Variants in INPP4B observed in about 807,000 individuals in gnomAD.
The protein encoded by INPP4B is inositol polyphosphate 4-phosphatase type II.
Under a neutral mutation model 122.5 loss-of-function variants are expected in INPP4B, and 55 were observed. That is an observed-to-expected ratio of 0.45 (90% CI 0.36 to 0.56). The LOEUF is 0.56. INPP4B is among the 20% of genes least tolerant of loss of function. INPP4B has a pLI of 0.00. For synonymous variants in INPP4B, 403 were observed against 388.7 expected, an observed-to-expected ratio of 1.04 and a Z score of -0.43; for missense variants, 1,000 against 1,097.7, an observed-to-expected ratio of 0.91 and a Z score of 1.26.
chr4:142,239,626 T>G (rs1464411545), intron 11 of INPP4B, among the ~76,000 whole-genome samples: 1 of 152,204 alleles, frequency 6.6e-6, no homozygotes, highest in African/African-American at 2.4e-5. Flanking sequence ...ATTTGATTAC[T>G]GCTTCTATTA....
chr4:142,286,169 G>T (rs1753576663), intron 9 of INPP4B, among the ~76,000 whole-genome samples: 2 of 152,288 alleles, frequency 1.3e-5, no homozygotes, highest in East Asian at 1.9e-4. Flanking sequence ...AGATTCTAGA[G>T]ATCAGTGGGA....
chr4:142,706,398 A>G (rs1424317226), intron 2 of INPP4B, among the ~76,000 whole-genome samples: 1 of 152,188 alleles, frequency 6.6e-6, no homozygotes, highest in Non-Finnish European at 1.5e-5. Flanking sequence ...GAGAAACTAT[A>G]TCAATCAATC....
chr4:142,829,724 T>G (rs187462875), intron 1 of INPP4B, among the ~76,000 whole-genome samples: 1 of 152,312 alleles, frequency 6.6e-6, no homozygotes, highest in Admixed American at 6.5e-5. Flanking sequence ...AACATTATCA[T>G]TCAACAGCAA....
chr4:142,584,693 T>A (rs1404662519), intron 2 of INPP4B, among the ~76,000 whole-genome samples: 3 of 152,110 alleles, frequency 2.0e-5, no homozygotes, highest in Non-Finnish European at 4.4e-5. Context: ...GATAAGGCAC[T>A]TTTTGTCTGG....
chr4:142,808,124 A>G (rs1779079845), intron 1 of INPP4B, among the ~76,000 whole-genome samples: 1 of 151,962 alleles, frequency 6.6e-6, no homozygotes, highest in Non-Finnish European at 1.5e-5. Context: ...ACACACACAC[A>G]CGAAAAGAAA....
chr4:142,243,579 T>A (rs890833598), intron 11 of INPP4B, among the ~76,000 whole-genome samples: 1 of 152,190 alleles, frequency 6.6e-6, no homozygotes, highest in Non-Finnish European at 1.5e-5. Context: ...TGAGGCAACA[T>A]CCATTTAAAT....
rs138159707 is a variant in INPP4B at position 142,577,219 on chromosome 4, C to G, written c.-190-114493G>C. On this transcript the variant is annotated intron_variant, in intron 2 of 25. Transcript: ENST00000262992. ...ACATATTGTTCACCATTTTCTTAAACCTAGATAATCAAGAAAACAGTAAGT... is the reference window on the plus strand; with the variant it reads ...ACATATTGTTCACCATTTTCTTAAAGCTAGATAATCAAGAAAACAGTAAGT... Among the ~76,000 whole-genome samples the G allele has an allele frequency of 3.3e-3, 500 of 152,028 alleles. 7 individuals carry two copies. The highest frequency in any genetic ancestry group is 0.018 in the East Asian group (92 of 5,156).
intron 2 of INPP4B, among the ~76,000 whole-genome samples, chr4:142,485,051 G>A (rs1202463632): frequency 6.6e-6 from 1 of 152,038 alleles, no homozygotes; most frequent in African/African-American, 2.4e-5. Context: ...TTCTGCATGG[G>A]ATTTTAGGAG....
At chr4:142,036,174 T>G (rs751413469) in intron 25 of INPP4B, among the ~76,000 whole-genome samples, 1 of 152,130 alleles carries the variant, frequency 6.6e-6, no homozygotes, top group African/African-American at 2.4e-5. Flanking sequence ...TCTTTTCCTG[T>G]GTATTGTGGT....
intron 9 of INPP4B, among the ~76,000 whole-genome samples, chr4:142,304,420 A>G (rs971951295): frequency 6.6e-4 from 100 of 152,232 alleles, no homozygotes; most frequent in African/African-American, 2.4e-3. Context: ...TGGCAGCCTC[A>G]TTAGAATCCA....
At chr4:142,604,177 C>A (rs1032165889) in intron 2 of INPP4B, among the ~76,000 whole-genome samples, 12 of 151,990 alleles carry the variant, frequency 7.9e-5, no homozygotes, top group African/African-American at 1.2e-4. Context: ...AAATTCAACA[C>A]CTGTTCATGA....
rs55700762 is a variant in INPP4B at position 142,644,740 on chromosome 4, TAAAAAAAAAAA to T, written c.-191+81088_-191+81098del. On this transcript the variant is annotated intron_variant, in intron 2 of 25. Coordinates refer to ENST00000262992, the MANE Select transcript of INPP4B (RefSeq NM_001101669.3). ...AACATGGCAAAACCCCATCTCTACTTAAAAAAAAAAAAAAAAAAAAAAAAAAATTGGCACAG... is the reference window on the plus strand; with the variant it reads ...AACATGGCAAAACCCCATCTCTACTTAAAAAAAAAAAAAAAATTGGCACAG... 3.1e-4 allele frequency among the ~76,000 whole-genome samples: 22 copies of T among 71,066 alleles called. 1 individual carries two copies. The highest frequency in any genetic ancestry group is 1.4e-3 in the Admixed American group (8 of 5,830). The allele number at this position is 71,066 out of a possible 152,430, so 46.6% of individuals were successfully genotyped here.
chr4:142,602,938 T>C (rs1177891581), intron 2 of INPP4B, among the ~76,000 whole-genome samples: 3 of 152,072 alleles, frequency 2.0e-5, no homozygotes, highest in African/African-American at 7.2e-5. Flanking sequence ...CTATTTACAA[T>C]AGCAAAGACA....
chr4:142,708,372 C>T (rs1236522324), intron 2 of INPP4B, among the ~76,000 whole-genome samples: 1 of 152,048 alleles, frequency 6.6e-6, no homozygotes, highest in Non-Finnish European at 1.5e-5. Context: ...GTTAATAGCC[C>T]AGACAATGGG....
chr4:142,353,335 C>T (rs191530006), intron 7 of INPP4B, among the ~76,000 whole-genome samples: 328 of 152,068 alleles, frequency 2.2e-3, no homozygotes, highest in African/African-American at 7.6e-3. Context: ...GGCTCTTCCC[C>T]TTAGATTTTC....
In INPP4B at chr4:142,588,638, T is replaced by C. The variant is rs963386036; in HGVS notation, c.-190-125912A>G. Reference sequence around the variant, plus strand: ...AAATAAGAATAAATATAACAAAATATGTATGAGGTCTATATGCAGAAAACT... The same window carrying C: ...AAATAAGAATAAATATAACAAAATACGTATGAGGTCTATATGCAGAAAACT... On this transcript the variant is annotated intron_variant, in intron 2 of 25. Transcript: ENST00000262992. Among the ~76,000 whole-genome samples, 10 of 151,174 alleles carry C rather than the reference T, an allele frequency of 6.6e-5. No homozygotes were observed. The South Asian group carries it at 1.9e-3, about 28-fold the overall frequency.
At chr4:142,385,449 A>G (rs1222625850) in intron 7 of INPP4B, among the ~76,000 whole-genome samples, 1 of 152,112 alleles carries the variant, frequency 6.6e-6, no homozygotes, top group South Asian at 2.1e-4. Flanking sequence ...CCATTACAGA[A>G]AAACAGGGTA....
At chr4:142,754,325 CAG>C (rs1351041844) in intron 1 of INPP4B, among the ~76,000 whole-genome samples, 1 of 151,966 alleles carries the variant, frequency 6.6e-6, no homozygotes, top group East Asian at 1.9e-4. Flanking sequence ...GCTGAAGTAA[CAG>C]TGACCCCAAG....
At chr4:142,349,275 T>C (rs1297402331) in intron 7 of INPP4B, among the ~76,000 whole-genome samples, 1 of 152,046 alleles carries the variant, frequency 6.6e-6, no homozygotes, top group Non-Finnish European at 1.5e-5. Flanking sequence ...ACAACTGATA[T>C]ACGAGAGATA....
Sources: gnomAD v4.1 joint callset for allele counts (sites outside exome capture counted in the v4.1 genomes callset) on GRCh38, gnomAD v4.1.1 for gene constraint, MANE v1.5 for transcripts, NCBI Gene and HGNC (gene_info 2026-07-23, HGNC 2026-07-21) for gene names.